CGAS: variants seen among roughly 807,000 people sequenced by gnomAD.
The protein encoded by CGAS is 2'3'-cGAMP synthase.
In CGAS, 31 loss-of-function variants were observed where a neutral mutation model predicts 34.0. The ratio of observed to expected loss-of-function variants is 0.91; its 90% CI spans 0.69 to 1.23. The LOEUF is 1.23. Among genes scored for constraint, CGAS ranks in the 50% most tolerant of loss-of-function variants. The probability of loss-of-function intolerance (pLI) is 0.00; values close to 1 mark genes in which losing one functional copy is unlikely to be tolerated. For missense variants in CGAS, 597 were observed against 657.6 expected, an observed-to-expected ratio of 0.91 and a Z score of 1.01; for synonymous variants, 266 against 260.0, an observed-to-expected ratio of 1.02 and a Z score of -0.22.
chr6:73,440,880 C>T (rs541269785), intron 2 of CGAS, among the ~76,000 whole-genome samples: 5 of 150,984 alleles, frequency 3.3e-5, no homozygotes, highest in East Asian at 2.0e-4. Context: ...CCAGCCTGGG[C>T]GACAGATTAA....
At chr6:73,450,438 G>C (rs1199018222) in intron 1 of CGAS, among the ~76,000 whole-genome samples, 2 of 150,680 alleles carry the variant, frequency 1.3e-5, no homozygotes, top group Non-Finnish European at 3.0e-5. Context: ...AAGAAAGAAA[G>C]AAAGAAAAAG....
At position 73,428,737 on chromosome 6, in the gene CGAS, A is replaced by G. The variant is rs766081918; in HGVS notation, c.1189T>C (p.Cys397Arg). The change falls in exon 4 of 5, where the codon TGT (cysteine) becomes CGT (arginine). Residue 397 changes from cysteine to arginine, a missense_variant. Transcript: ENST00000370315. The part of the protein sequence containing the change: ...LNNHGKSKTC[C>R]ENKEEKCCRK... ...CAACATTTCTCTTCTTTGTTTTCACAGCACGTTTTAGATTTTCCATGATTG... is the reference window on the plus strand; with the variant it reads ...CAACATTTCTCTTCTTTGTTTTCACGGCACGTTTTAGATTTTCCATGATTG... 8 of 1,613,852 alleles carry G rather than the reference A, an allele frequency of 5.0e-6. No individual in the cohort carries two copies. Among genetic ancestry groups the G allele is most frequent in the Non-Finnish European group, 6.8e-6 (8 of 1,179,942 alleles).
intron 3 of CGAS, among the ~76,000 whole-genome samples, chr6:73,436,164 G>C (rs1770276279): frequency 6.6e-6 from 1 of 151,784 alleles, no homozygotes; most frequent in South Asian, 2.1e-4. Context: ...TCCTGCCTCA[G>C]CCTCCCGAAG....
rs1770031542 is a variant in CGAS, at chr6:73,423,795, C to T, written c.*1432G>A. ...AAAATTTAAAAATCTTTACAATAAA[C>T]AAAACAATACAAAACAAAAAAACCT... On this transcript the variant is annotated 3_prime_UTR_variant, in exon 5 of 5. Coordinates refer to ENST00000370315, the MANE Select transcript of CGAS (RefSeq NM_138441.3). 6.6e-6 allele frequency: 1 copy of T among 151,910 alleles called. No individual in the cohort carries two copies. The highest frequency in any genetic ancestry group is 6.6e-5 in the Admixed American group (1 of 15,242). 9.4% of individuals were successfully genotyped at this position (151,910 alleles called of 1,614,324 possible).
chr6:73,449,781 A>C (rs1437297147), intron 1 of CGAS, among the ~76,000 whole-genome samples: 1 of 151,736 alleles, frequency 6.6e-6, no homozygotes, highest in Non-Finnish European at 1.5e-5. Flanking sequence ...GGATCATCTG[A>C]GGTCAGAGTT....
intron 3 of CGAS, among the ~76,000 whole-genome samples, chr6:73,429,620 A>T (rs1161197908): frequency 2.8e-4 from 43 of 151,928 alleles, no homozygotes; most frequent in Middle Eastern, 3.4e-3. Flanking sequence ...AGGTCGGGAG[A>T]TCAAGACCAT....
intron 3 of CGAS, among the ~76,000 whole-genome samples, chr6:73,435,187 G>T (rs1472097528): frequency 1.3e-5 from 2 of 152,020 alleles, no homozygotes; most frequent in Non-Finnish European, 2.9e-5. Flanking sequence ...AGGGGAATGG[G>T]TATGGGGTTA....
chr6:73,431,388 T>C (rs1770194086), intron 3 of CGAS, among the ~76,000 whole-genome samples: 1 of 152,082 alleles, frequency 6.6e-6, no homozygotes, highest in South Asian at 2.1e-4. Context: ...GGAGAATCAC[T>C]TAAACCTGGG....
chr6:73,449,510 A>ACACACACACACAC (rs1562295259), intron 1 of CGAS, among the ~76,000 whole-genome samples: 1 of 43,814 alleles, frequency 2.3e-5, no homozygotes, highest in African/African-American at 6.3e-5. Context: ...CACACACACA[A>ACACACACACACAC]AGTGGTTCTG....
At chr6:73,450,074 G>A (rs547269876) in intron 1 of CGAS, among the ~76,000 whole-genome samples, 7 of 149,448 alleles carry the variant, frequency 4.7e-5, no homozygotes, top group Admixed American at 1.3e-4. Flanking sequence ...AGGGAGGGAG[G>A]AAAAGAGAGA....
Position 73,443,400 on chromosome 6 carries a change from G to A in CGAS, c.877+2128C>T, listed in dbSNP as rs995073052. Among the ~76,000 whole-genome samples, 3 of 151,768 alleles carry A rather than the reference G, an allele frequency of 2.0e-5. 1 individual carries two copies. The highest frequency in any genetic ancestry group is 1.3e-4 in the Admixed American group (2 of 15,222). Reference sequence around the variant, plus strand: ...ATTACAGGCACCCGCCACCACGCCCGGCTAGTTTTTTGTATTTTTAGTCAA... The same window carrying A: ...ATTACAGGCACCCGCCACCACGCCCAGCTAGTTTTTTGTATTTTTAGTCAA... On this transcript the variant is annotated intron_variant, in intron 2 of 4. Transcript: ENST00000370315.
intron 1 of CGAS, among the ~76,000 whole-genome samples, chr6:73,451,021 A>AG (rs1464983159): frequency 1.3e-5 from 2 of 151,694 alleles, no homozygotes; most frequent in Non-Finnish European, 2.9e-5. Context: ...AAAAGAAAAA[A>AG]GAAAAAAAAG....
At chr6:73,429,112 C>A (rs1338003477) in intron 3 of CGAS, among the ~76,000 whole-genome samples, 1 of 151,236 alleles carries the variant, frequency 6.6e-6, no homozygotes, top group East Asian at 1.9e-4. Flanking sequence ...ATCACTTGAA[C>A]CTGGGAGGTG....
chr6:73,429,696 G>C (rs1052222848), intron 3 of CGAS, among the ~76,000 whole-genome samples: 1 of 151,796 alleles, frequency 6.6e-6, no homozygotes, highest in African/African-American at 2.4e-5. Context: ...CGTGGTGGCG[G>C]GCGCCTGTAA....
chr6:73,440,367 T>G lies in CGAS; in HGVS notation c.956A>C (p.Asp319Ala), dbSNP rs779777358. The change falls in exon 3 of 5, where the codon GAT (aspartate) becomes GCT (alanine). Residue 319 changes from aspartate to alanine, a missense_variant. By Grantham distance (126) the Asp-to-Ala change is moderately radical. Transcript: ENST00000370315. ...TTTTGATTCCAAAGCCAGGGTTATATCCACAGATATTTTTTCACTAATAAG... is the reference window on the plus strand; with the variant it reads ...TTTTGATTCCAAAGCCAGGGTTATAGCCACAGATATTTTTTCACTAATAAG... ...TLLISEKISV[D>A]ITLALESKSS... 82 of 1,614,186 alleles carry G rather than the reference T, an allele frequency of 5.1e-5. No individual in the cohort carries two copies. Among genetic ancestry groups the G allele is most frequent in the Non-Finnish European group, 6.9e-5 (81 of 1,180,036 alleles).
intron 4 of CGAS, among the ~76,000 whole-genome samples, chr6:73,426,848 T>G (rs1770097626): frequency 6.6e-6 from 1 of 151,978 alleles, no homozygotes; most frequent in South Asian, 2.1e-4. Flanking sequence ...TTCTTTTTTT[T>G]TTTCTTTTTC....
chr6:73,445,748 C>T lies in CGAS; in HGVS notation c.658-1G>A. ...CATCAAATTCATTAGGTGCAGAAAT[C>T]TAAGAAACAGTAAAAATAGTACTGA... On this transcript the variant is annotated splice_acceptor_variant, in intron 1 of 4. Transcript: ENST00000370315. LOFTEE classifies it high-confidence loss of function. The T allele has an allele frequency of 1.9e-6, 3 of 1,586,022 alleles. No homozygotes were observed. In the East Asian group the frequency reaches 6.7e-5, roughly 36 times the overall value.
At chr6:73,430,304 T>C (rs1770172781) in intron 3 of CGAS, among the ~76,000 whole-genome samples, 2 of 152,136 alleles carry the variant, frequency 1.3e-5, no homozygotes, top group South Asian at 2.1e-4. Context: ...TCATTATTCA[T>C]AGGTGATGTA....
intron 2 of CGAS, 39 bp from the exon 3 acceptor site, chr6:73,440,484 T>A (rs1422607933): frequency 2.7e-6 from 4 of 1,482,120 alleles, no homozygotes; most frequent in Non-Finnish European, 3.7e-6. Flanking sequence ...TATTTATTAA[T>A]CCAATTTTCT....
Sources: allele counts gnomAD v4.1 joint callset (sites outside exome capture counted in the v4.1 genomes callset), GRCh38; gene constraint gnomAD v4.1.1; transcripts MANE v1.5; gene names NCBI Gene and HGNC (gene_info 2026-07-23, HGNC 2026-07-21).